Variants in NXPE2 observed in about 807,000 individuals in gnomAD.
NXPE2 encodes the protein NXPE family member 2.
NXPE2 carries 34 observed loss-of-function variants against 34.4 expected under a neutral mutation model. The ratio of observed to expected loss-of-function variants is 0.99; its 90% confidence interval spans 0.75 to 1.31. The LOEUF (loss-of-function observed/expected upper bound fraction) is 1.31, where lower values mean the gene tolerates loss of function less well. NXPE2 is among the 40% of genes most tolerant of loss of function. The pLI, the probability that NXPE2 is intolerant of heterozygous loss-of-function variation, is 0.00. For synonymous variants in NXPE2, 235 were observed against 231.3 expected (o/e 1.02, Z -0.15); for missense variants, 649 against 672.5 (o/e 0.97, Z 0.39).
the NXPE2 span, among the ~76,000 whole-genome samples, chr11:114,618,981 G>A: frequency 6.6e-6 from 1 of 152,002 alleles, no homozygotes; most frequent in South Asian, 2.1e-4. Context: ...GTTATCTGGT[G>A]GATAATAGGT....
the NXPE2 span, chr11:114,527,138 T>TAG: frequency 6.6e-6 from 1 of 152,444 alleles, no homozygotes; most frequent in Non-Finnish European, 1.5e-5. Flanking sequence ...GATCCTTTTG[T>TAG]AGTTCAGAAT....
At chr11:114,741,345 C>T in the NXPE2 span, among the ~76,000 whole-genome samples, 1 of 152,118 alleles carries the variant, frequency 6.6e-6, no homozygotes, top group Non-Finnish European at 1.5e-5. Context: ...GCTTCATATA[C>T]CTGTATGTCC....
At chr11:114,583,537 C>T in the NXPE2 span, 20 of 605,980 alleles carry the variant, frequency 3.3e-5, no homozygotes, top group African/African-American at 9.2e-5. Context: ...AGAGATTCAA[C>T]GTTAGTGAGG....
At chr11:114,717,237 T>G in the NXPE2 span, among the ~76,000 whole-genome samples, 3 of 152,180 alleles carry the variant, frequency 2.0e-5, no homozygotes, top group African/African-American at 7.2e-5. Flanking sequence ...CCTTCCAGTT[T>G]ACCAGATCCC....
the NXPE2 span, among the ~76,000 whole-genome samples, chr11:114,717,319 G>A: frequency 0.025 from 3,740 of 152,262 alleles, 155 homozygotes; most frequent in African/African-American, 0.085. Flanking sequence ...TGTAGCATCT[G>A]CCAGTTTTTG....
chr11:114,724,749 A>T, the NXPE2 span, among the ~76,000 whole-genome samples: 1 of 151,218 alleles, frequency 6.6e-6, no homozygotes, highest in African/African-American at 2.4e-5. Context: ...TAGTCTGTTG[A>T]CCTCACTGTG....
At chr11:114,570,399 A>G in the NXPE2 span, among the ~76,000 whole-genome samples, 1 of 152,186 alleles carries the variant, frequency 6.6e-6, no homozygotes, top group Non-Finnish European at 1.5e-5. Context: ...GATGAAAAAT[A>G]CTATAGAATC....
At chr11:114,703,851 C>A (rs1951418892) in intron 3 of NXPE2, 140 bp from the exon 4 acceptor site, 1 of 642,904 alleles carries the variant, frequency 1.6e-6, no homozygotes, top group East Asian at 2.7e-5. Flanking sequence ...GACCCATTAA[C>A]TTCCCCAGGA....
the NXPE2 span, among the ~76,000 whole-genome samples, chr11:114,538,686 C>G: frequency 6.6e-6 from 1 of 152,062 alleles, no homozygotes; most frequent in Non-Finnish European, 1.5e-5. Flanking sequence ...TGAAAAAATG[C>G]TCATCATCAC....
chr11:114,727,449 G>A, the NXPE2 span, among the ~76,000 whole-genome samples: 25 of 151,926 alleles, frequency 1.6e-4, no homozygotes, highest in Non-Finnish European at 3.2e-4. Context: ...ACCACATTGC[G>A]GATTAGGACT....
upstream of NXPE2, among the ~76,000 whole-genome samples, chr11:114,674,359 A>G (rs536942832): frequency 2.4e-4 from 36 of 151,948 alleles, no homozygotes; most frequent in Admixed American, 9.9e-4. Flanking sequence ...ACACACATTT[A>G]TCATCAAGTG....
the NXPE2 span, chr11:114,584,829 C>A: frequency 6.6e-6 from 1 of 152,284 alleles, no homozygotes; most frequent in Middle Eastern, 3.2e-3. Flanking sequence ...AGGGACTAGA[C>A]AGAAATTAAG....
At chr11:114,533,431 A>C in the NXPE2 span, among the ~76,000 whole-genome samples, 1 of 152,204 alleles carries the variant, frequency 6.6e-6, no homozygotes, top group Non-Finnish European at 1.5e-5. Flanking sequence ...AGTGCCGGAC[A>C]GTGGGTGCAG....
the NXPE2 span, among the ~76,000 whole-genome samples, chr11:114,573,664 C>G: frequency 6.6e-6 from 1 of 151,926 alleles, no homozygotes; most frequent in East Asian, 1.9e-4. Flanking sequence ...CAGGAAAATA[C>G]CACAATTCTA....
At chr11:114,585,500 G>A in the NXPE2 span, among the ~76,000 whole-genome samples, 1 of 151,934 alleles carries the variant, frequency 6.6e-6, no homozygotes, top group African/African-American at 2.4e-5. Context: ...CAGATAAATT[G>A]GATTTAAGTC....
At chr11:114,645,993 C>G in the NXPE2 span, among the ~76,000 whole-genome samples, 1 of 152,028 alleles carries the variant, frequency 6.6e-6, no homozygotes, top group Non-Finnish European at 1.5e-5. Context: ...GCATTTATAT[C>G]TATTGGTTAG....
the NXPE2 span, among the ~76,000 whole-genome samples, chr11:114,647,226 A>G: frequency 6.6e-6 from 1 of 152,210 alleles, no homozygotes; most frequent in African/African-American, 2.4e-5. Context: ...GATTTGGGTA[A>G]GTAATGTCTC....
Position 114,698,125 on chromosome 11 carries a change from G to C in NXPE2, c.213G>C (p.Leu71=). ...FKKYSHSETP[L]CPAVSPKETE... ...AATATTCACACTCTGAAACACCACT[G>C]TGTCCAGCAGTTTCACCAAAAGAGA... is the stretch of plus-strand genomic sequence containing the variant. The change falls in exon 3 of 6, where the codon CTG becomes CTC. Residue 71 remains leucine (L), a synonymous_variant. Transcript: ENST00000389586. 6.2e-7 allele frequency: 1 copy of C among 1,613,828 alleles called. No individual in the cohort carries two copies. Among genetic ancestry groups the C allele is most frequent in the Non-Finnish European group, 8.5e-7 (1 of 1,179,804 alleles).
downstream of NXPE2, chr11:114,707,270 T>G: frequency 3.4e-6 from 1 of 293,922 alleles, no homozygotes; most frequent in South Asian, 2.9e-5. Context: ...TTTTGTATTT[T>G]TTAGTAGAGA....
Sources: gnomAD v4.1 joint callset for allele counts (sites outside exome capture counted in the v4.1 genomes callset) on GRCh38, gnomAD v4.1.1 for gene constraint, MANE v1.5 for transcripts, NCBI Gene and HGNC (gene_info 2026-07-23, HGNC 2026-07-21) for gene names.